Variants in ARL3 observed in about 807,000 individuals in gnomAD.
The protein encoded by ARL3 is ARF like GTPase 3, also known as ADP-ribosylation factor-like protein 3.
Under a neutral mutation model 26.0 loss-of-function variants are expected in ARL3, and 9 were observed. The observed-to-expected ratio is 0.35, with a 90% CI of 0.21 to 0.60. ARL3 has a LOEUF of 0.60. Ranked by LOEUF, ARL3 falls within the 20% of genes least tolerant of loss-of-function variation. The probability of loss-of-function intolerance (pLI) is 0.78; values close to 1 mark genes in which losing one functional copy is unlikely to be tolerated. For synonymous variants in ARL3, 71 were observed against 78.4 expected (o/e 0.91, Z 0.50); for missense variants, 158 against 215.7 (o/e 0.73, Z 1.67).
chr10:102,690,416 T>TG (rs756371419), intron 3 of ARL3, among the ~76,000 whole-genome samples: 5 of 151,606 alleles, frequency 3.3e-5, no homozygotes, highest in Admixed American at 2.6e-4. Context: ...CCCCAGCAGC[T>TG]GGGACTACAG....
chr10:102,687,429 C>T (rs979155575), intron 4 of ARL3, among the ~76,000 whole-genome samples: 3 of 151,644 alleles, frequency 2.0e-5, no homozygotes, highest in African/African-American at 4.8e-5. Flanking sequence ...TTTGGCCAGG[C>T]GCGGTGGCTC....
At chr10:102,705,511 CAG>C in intron 1 of ARL3, 22 bp from the exon 2 acceptor site, 2 of 1,556,380 alleles carry the variant, frequency 1.3e-6, no homozygotes, top group Non-Finnish European at 1.8e-6. Flanking sequence ...ACAAAGGAGA[CAG>C]ATTACTCTGG....
chr10:102,703,450 T>C (rs2064291409), intron 2 of ARL3, among the ~76,000 whole-genome samples: 1 of 58,402 alleles, frequency 1.7e-5, no homozygotes, highest in Non-Finnish European at 3.2e-5. Flanking sequence ...TTTTTTTTTT[T>C]TTTTTTTTTT....
intron 4 of ARL3, among the ~76,000 whole-genome samples, chr10:102,688,297 C>T (rs1271745644): frequency 6.6e-6 from 1 of 152,164 alleles, no homozygotes; most frequent in African/African-American, 2.4e-5. Flanking sequence ...ACCCCCTCCA[C>T]CTCCAAGCTC....
intron 5 of ARL3, among the ~76,000 whole-genome samples, chr10:102,680,026 G>A (rs532958796): frequency 3.9e-5 from 6 of 152,036 alleles, no homozygotes; most frequent in Admixed American, 2.6e-4. Context: ...ATCTCGACTC[G>A]CTGCAAGCTC....
chr10:102,702,760 G>A (rs906019784), intron 2 of ARL3, among the ~76,000 whole-genome samples: 3 of 152,178 alleles, frequency 2.0e-5, no homozygotes, highest in Non-Finnish European at 2.9e-5. Flanking sequence ...CTAGATTACT[G>A]TAATTTGCTT....
chr10:102,676,772 C>T lies in ARL3; in HGVS notation c.*122G>A. 1 of 1,001,542 alleles carries T rather than the reference C, an allele frequency of 1.0e-6. No individual in the cohort carries two copies. The highest frequency in any genetic ancestry group is 1.4e-5 in the South Asian group (1 of 70,216). The allele number at this position is 1,001,542 out of a possible 1,614,324, so 62.0% of individuals were successfully genotyped here. A position where few individuals can be genotyped will look rare whatever the true frequency, so the allele number is the denominator to read the frequency against. On this transcript the variant is annotated 3_prime_UTR_variant, in exon 6 of 6. Transcript: ENST00000260746. ...GATTCTTTCTAAACCGTGTTGTTCCCTCTCTTCAAACAGCTGGAGCTGTAC... is the reference window on the plus strand; with the variant it reads ...GATTCTTTCTAAACCGTGTTGTTCCTTCTCTTCAAACAGCTGGAGCTGTAC...
At chr10:102,699,539 T>C in intron 2 of ARL3, 50 bp from the exon 3 acceptor site, 1 of 1,113,622 alleles carries the variant, frequency 9.0e-7, no homozygotes, top group Middle Eastern at 2.1e-4. Context: ...GGGATCATAA[T>C]TCTGACAAAG....
intron 2 of ARL3, among the ~76,000 whole-genome samples, chr10:102,699,711 C>T (rs1307212820): frequency 1.3e-5 from 2 of 152,180 alleles, no homozygotes; most frequent in Admixed American, 1.3e-4. Flanking sequence ...GTCAGGCTAA[C>T]ACAATGTTTT....
At chr10:102,694,222 C>G (rs892227046) in intron 3 of ARL3, among the ~76,000 whole-genome samples, 23 of 152,260 alleles carry the variant, frequency 1.5e-4, no homozygotes, top group African/African-American at 5.3e-4. Flanking sequence ...ATCTCCTGAC[C>G]TCGTGATCCT....
intron 4 of ARL3, among the ~76,000 whole-genome samples, chr10:102,689,381 T>A (rs1232580728): frequency 1.3e-5 from 2 of 152,156 alleles, no homozygotes; most frequent in African/African-American, 4.8e-5. Context: ...AGACAACTGG[T>A]ATTTTTGCCT....
At chr10:102,711,522 C>G (rs1185155968) in intron 1 of ARL3, among the ~76,000 whole-genome samples, 1 of 151,946 alleles carries the variant, frequency 6.6e-6, no homozygotes, top group Admixed American at 6.6e-5. Flanking sequence ...GAGGCCGAGG[C>G]GGGCGGATCA....
rs1007055032 is a variant in ARL3, at chr10:102,675,157, C to T, written c.*1737G>A. 1 of 152,212 alleles carries T rather than the reference C, an allele frequency of 6.6e-6. No individual in the cohort carries two copies. The highest frequency in any genetic ancestry group is 1.5e-5 in the Non-Finnish European group (1 of 68,078). The allele number at this position is 152,212 out of a possible 1,614,324, so 9.4% of individuals were successfully genotyped here. ...GAGAGCTTGGGTGAGCCAGAGAAGC[C>T]AGTGGAGGAGGCTGCAGAGAGCAGC... On this transcript the variant is annotated 3_prime_UTR_variant, in exon 6 of 6. Transcript: ENST00000260746.
chr10:102,696,352 A>T (rs1374256343), intron 3 of ARL3, among the ~76,000 whole-genome samples: 1 of 142,688 alleles, frequency 7.0e-6, no homozygotes, highest in Non-Finnish European at 1.5e-5. Context: ...TGCAACCTGC[A>T]CCTCCCTGAT....
chr10:102,703,045 C>A (rs2064288564), intron 2 of ARL3, among the ~76,000 whole-genome samples: 1 of 151,960 alleles, frequency 6.6e-6, no homozygotes, highest in African/African-American at 2.4e-5. Context: ...AGCCAAAGGT[C>A]AGGCATTCTT....
intron 3 of ARL3, among the ~76,000 whole-genome samples, chr10:102,696,215 C>G (rs1194957916): frequency 6.6e-6 from 1 of 151,382 alleles, no homozygotes; most frequent in African/African-American, 2.4e-5. Context: ...CCACCCACCT[C>G]GGCCTCCCAA....
intron 2 of ARL3, among the ~76,000 whole-genome samples, chr10:102,704,107 C>A (rs1454174135): frequency 7.7e-6 from 1 of 130,036 alleles, no homozygotes; most frequent in African/African-American, 2.9e-5. Context: ...GCTGAGATTG[C>A]ACTGCTGCAT....
rs774339676 is a variant in ARL3 at position 102,676,948 on chromosome 10, G to A, written c.502-7C>T. On this transcript the variant is annotated splice_region_variant and splice_polypyrimidine_tract_variant and intron_variant, in intron 5 of 5. Coordinates refer to ENST00000260746, the MANE Select transcript of ARL3 (RefSeq NM_004311.4). ...AGACCCAGTTCATGCCATCCTTTGA[G>A]GGAAATGGGCAGAGAAAGGCAGTGT... 2.9e-5 allele frequency: 47 copies of A among 1,613,658 alleles called. 3 individuals carry two copies. In the South Asian group the frequency reaches 5.1e-4, roughly 17 times the overall value.
intron 5 of ARL3, among the ~76,000 whole-genome samples, chr10:102,682,090 C>A (rs139604629): frequency 6.6e-6 from 1 of 152,266 alleles, no homozygotes; most frequent in East Asian, 1.9e-4. Flanking sequence ...GGCCTGACCT[C>A]GAGGGCGCAG....
Sources: gnomAD v4.1 joint callset for allele counts (sites outside exome capture counted in the v4.1 genomes callset) on GRCh38, gnomAD v4.1.1 for gene constraint, MANE v1.5 for transcripts, NCBI Gene and HGNC (gene_info 2026-07-23, HGNC 2026-07-21) for gene names.